The following PDIA4 variants were observed in gnomAD, a reference collection of about 807,000 sequenced individuals.
PDIA4 encodes protein disulfide isomerase family A member 4, also known as protein disulfide-isomerase A4.
PDIA4 carries 33 observed loss-of-function variants against 62.1 expected under a neutral mutation model. The ratio of observed to expected loss-of-function variants is 0.53; its 90% confidence interval spans 0.40 to 0.71. The LOEUF is 0.71. Among genes scored for constraint, PDIA4 ranks in the 30% least tolerant of loss-of-function variants. The pLI is 0.00. For synonymous variants in PDIA4, 341 were observed against 324.1 expected (o/e 1.05, Z -0.56); for missense variants, 804 against 813.6 (o/e 0.99, Z 0.14).
chr7:149,015,028 C>T lies in PDIA4; in HGVS notation c.490G>A (p.Val164Ile), dbSNP rs998292413. 1.9e-6 allele frequency: 3 copies of T among 1,614,054 alleles called. No homozygotes were observed. Among genetic ancestry groups the T allele is most frequent in the South Asian group, 1.1e-5 (1 of 91,086 alleles). Reference sequence around the variant, plus strand: ...CAGTCGGGCTGGGAGACTTCTCTGACCTTGGCAACAATTTCTGAAAGAAAC... The same window carrying T: ...CAGTCGGGCTGGGAGACTTCTCTGATCTTGGCAACAATTTCTGAAAGAAAC... ...SRTQEEIVAK[V>I]REVSQPDWTP... The change falls in exon 4 of 10, where the codon GTC becomes ATC. Residue 164 changes from valine (V) to isoleucine (I), a missense_variant. By Grantham distance (29) the Val-to-Ile change is conservative. Transcript: ENST00000652332.
chr7:149,023,124 AAC>A (rs1824414713), intron 1 of PDIA4, among the ~76,000 whole-genome samples: 1 of 152,160 alleles, frequency 6.6e-6, no homozygotes, highest in South Asian at 2.1e-4. Flanking sequence ...TGGAGGGCAG[AAC>A]ACAGAGAAAG....
chr7:149,008,025 C>A, intron 7 of PDIA4, 134 bp downstream of exon 7: 4 of 810,584 alleles, frequency 4.9e-6, no homozygotes, highest in Non-Finnish European at 7.5e-6. Context: ...GTGGGGAGAA[C>A]GGGCTGGAAA....
At position 149,021,315 on chromosome 7, in the gene PDIA4, C is replaced by A. The variant is rs1479046626; in HGVS notation, c.89-168G>T. Among the ~76,000 whole-genome samples the A allele has an allele frequency of 4.0e-5, 6 of 151,856 alleles. 1 individual carries two copies. The highest frequency in any genetic ancestry group is 2.9e-5 in the Non-Finnish European group (2 of 67,952). On this transcript the variant is annotated intron_variant, in intron 1 of 9. Coordinates refer to ENST00000652332, the MANE Select transcript of PDIA4 (RefSeq NM_004911.5). The stretch of plus-strand genomic sequence containing the variant: ...ACCAGCCTGGCCAATATGGTGAAAC[C>A]CAATCTCTACTAAAAATACAAAAAT...
At chr7:149,027,939 C>G (rs1337263484) in intron 1 of PDIA4, 1 of 498,002 alleles carries the variant, frequency 2.0e-6, no homozygotes, top group Admixed American at 2.3e-5. Flanking sequence ...TCTCCCTCTC[C>G]CTTCCCACTG....
intron 1 of PDIA4, chr7:149,028,038 A>C: frequency 1.6e-6 from 1 of 629,072 alleles, no homozygotes; most frequent in Non-Finnish European, 3.0e-6. Flanking sequence ...GGCGCTCTGC[A>C]GCCCTCTCCC....
At chr7:149,023,336 G>A (rs929715366) in intron 1 of PDIA4, among the ~76,000 whole-genome samples, 5 of 152,204 alleles carry the variant, frequency 3.3e-5, no homozygotes, top group Admixed American at 3.3e-4. Context: ...GTGCTATTTA[G>A]AAAATCTTGC....
At position 149,004,056 on chromosome 7, in the gene PDIA4, T is replaced by C; in HGVS notation, c.1676A>G (p.Lys559Arg). The C allele has an allele frequency of 6.2e-7, 1 of 1,614,230 alleles. No individual in the cohort carries two copies. Among genetic ancestry groups the C allele is most frequent in the Non-Finnish European group, 8.5e-7 (1 of 1,180,038 alleles). ...EFYAPWCGHC[K>R]QLEPVYNSLA... ...GCTGTTGTACACGGGCTCTAGCTGC[T>C]TGCAGTGCCCGCACCATGGCGCGTA... Residue 559 changes from lysine (K) to arginine (R), a missense_variant, in exon 10 of 10, where the codon AAG becomes AGG. Physicochemically the swap from Lys to Arg is conservative, Grantham distance 26. Transcript: ENST00000652332.
chr7:149,006,082 G>T, intron 7 of PDIA4, 29 bp from the exon 8 acceptor site: 1 of 1,533,236 alleles, frequency 6.5e-7, no homozygotes, highest in African/African-American at 1.4e-5. Flanking sequence ...AGGTGAGGGG[G>T]CCCACCATCT....
rs746219901 is a variant in PDIA4 at position 149,019,013 on chromosome 7, C to T, written c.454G>A (p.Glu152Lys). The change falls in exon 3 of 10, where the codon GAG becomes AAG. Residue 152 changes from glutamate (E) to lysine (K), a missense_variant. By Grantham distance (56) the Glu-to-Lys change is moderately conservative. Transcript: ENST00000652332. ...ILKKGQAVDY[E>K]GSRTQEEIVA... ...TCACCTTCCTGGGTTCTGGAGCCCT[C>T]GTAGTCTACAGCCTGCCCCTTCTTA... 1.1e-5 allele frequency: 17 copies of T among 1,613,190 alleles called. No homozygotes were observed. Among genetic ancestry groups the T allele is most frequent in the Admixed American group, 1.0e-4 (6 of 59,938 alleles).
At chr7:149,010,596 C>T (rs1039650763) in intron 6 of PDIA4, among the ~76,000 whole-genome samples, 4 of 152,254 alleles carry the variant, frequency 2.6e-5, no homozygotes, top group Non-Finnish European at 2.9e-5. Context: ...GAGACAGACC[C>T]GCATCAAGAA....
intron 3 of PDIA4, among the ~76,000 whole-genome samples, chr7:149,016,761 T>C (rs925467513): frequency 1.3e-5 from 2 of 152,318 alleles, no homozygotes; most frequent in Middle Eastern, 3.4e-3. Flanking sequence ...TCCACCGACC[T>C]TGGCCTCCCA....
Position 149,028,186 on chromosome 7 carries a change from C to A in PDIA4, c.88+135G>T, listed in dbSNP as rs940807508. 5.7e-4 allele frequency: 365 copies of A among 640,190 alleles called. 1 individual carries two copies. The highest frequency in any genetic ancestry group is 5.2e-3 in the Middle Eastern group (12 of 2,314). 39.7% of individuals were successfully genotyped at this position (640,190 alleles called of 1,614,324 possible). A position where few individuals can be genotyped will look rare whatever the true frequency, so the allele number is the denominator to read the frequency against. ...CCCTTCAACTCCGCCAAGTTTACCC[C>A]GGGCTCGGCGCCCATCACTAGTTCT... On this transcript the variant is annotated intron_variant, in intron 1 of 9. Transcript: ENST00000652332.
intron 2 of PDIA4, 138 bp downstream of exon 2, chr7:149,020,829 C>A: frequency 7.3e-7 from 1 of 1,373,278 alleles, no homozygotes; most frequent in Non-Finnish European, 9.6e-7. Context: ...GAGCTCCCAG[C>A]GTTCTTAAAG....
At chr7:149,004,244 T>C (rs1823661714) in intron 9 of PDIA4, 35 bp from the exon 10 acceptor site, 4 of 1,582,794 alleles carry the variant, frequency 2.5e-6, no homozygotes, top group Non-Finnish European at 3.4e-6. Context: ...GGGGCGTCAG[T>C]GCTGCAAAGG....
rs558467349 is a variant in PDIA4 at position 149,019,049 on chromosome 7, T to C, written c.418A>G (p.Ile140Val). ...SRFDVSGYPT[I>V]KILKKGQAVD... ...GCCTGCCCCTTCTTAAGGATCTTGATGGTGGGGTAGCCACTCACATCAAAC... is the reference window on the plus strand; with the variant it reads ...GCCTGCCCCTTCTTAAGGATCTTGACGGTGGGGTAGCCACTCACATCAAAC... The change falls in exon 3 of 10, where the codon ATC becomes GTC. Residue 140 changes from isoleucine (I) to valine (V), a missense_variant. By Grantham distance (29) the Ile-to-Val change is conservative. Transcript: ENST00000652332. 8.7e-6 allele frequency: 14 copies of C among 1,613,648 alleles called. No individual in the cohort carries two copies. The highest frequency in any genetic ancestry group is 1.2e-5 in the Non-Finnish European group (14 of 1,179,978).
intron 2 of PDIA4, 137 bp downstream of exon 2, chr7:149,020,830 G>A (rs1214085520): frequency 1.9e-5 from 26 of 1,382,908 alleles, no homozygotes; most frequent in Admixed American, 5.6e-5. Context: ...AGCTCCCAGC[G>A]TTCTTAAAGC....
intron 1 of PDIA4, among the ~76,000 whole-genome samples, chr7:149,024,090 T>C (rs1053092092): frequency 1.3e-5 from 2 of 151,952 alleles, no homozygotes; most frequent in Non-Finnish European, 2.9e-5. Context: ...TTACTAAAAG[T>C]ACAAAAATTA....
At chr7:149,021,266 G>A (rs1199674499) in intron 1 of PDIA4, 119 bp from the exon 2 acceptor site, 14 of 907,652 alleles carry the variant, frequency 1.5e-5, no homozygotes, top group South Asian at 6.9e-5. Flanking sequence ...TGAGGTGGGC[G>A]GATCACGAGG....
Position 149,013,017 on chromosome 7 carries a change from G to A in PDIA4, c.615-657C>T, listed in dbSNP as rs1824005026. 2.0e-5 allele frequency among the ~76,000 whole-genome samples: 3 copies of A among 152,286 alleles called. No homozygotes were observed. The South Asian group carries it at 6.2e-4, about 32-fold the overall frequency. On this transcript the variant is annotated intron_variant, in intron 4 of 9. Coordinates refer to ENST00000652332, the MANE Select transcript of PDIA4 (RefSeq NM_004911.5). ...AATCGCAGCACTTTGGGAGGCCGAG[G>A]CAGGTGGATCACCTGAGGCCAGGAG...
Sources: gnomAD v4.1 joint callset for allele counts (sites outside exome capture counted in the v4.1 genomes callset) on GRCh38, gnomAD v4.1.1 for gene constraint, MANE v1.5 for transcripts, NCBI Gene and HGNC (gene_info 2026-07-23, HGNC 2026-07-21) for gene names.